The following RAB3C variants were observed in gnomAD, a reference collection of about 807,000 sequenced individuals.
RAB3C encodes the protein ras-related protein Rab-3C.
RAB3C carries 17 observed loss-of-function variants against 26.4 expected under a neutral mutation model. The ratio of observed to expected loss-of-function variants is 0.64; its 90% CI spans 0.44 to 0.97. The LOEUF is 0.97. Ranked by LOEUF, RAB3C falls within the 50% of genes least tolerant of loss-of-function variation. RAB3C has a pLI of 0.00. For synonymous variants in RAB3C, 91 were observed against 95.9 expected (o/e 0.95, Z 0.30); for missense variants, 242 against 281.9 (o/e 0.86, Z 1.01).
In RAB3C at chr5:58,851,316, ACTC is replaced by A. The variant is rs1201143500; in HGVS notation, c.657_659del (p.Pro221del). 1 of 1,610,094 alleles carries A rather than the reference ACTC, an allele frequency of 6.2e-7. No homozygotes were observed. Among genetic ancestry groups the A allele is most frequent in the Admixed American group, 1.7e-5 (1 of 59,078 alleles). On this transcript the variant is annotated inframe_deletion, in exon 5 of 5. Coordinates refer to ENST00000282878, the MANE Select transcript of RAB3C (RefSeq NM_138453.4). ...AAAGCAGAACACGAGACTCAAGGAA[ACTC>A]CTCCTCCACCGCAGCCCAACTGTGC...
chr5:58,639,428 C>T (rs891916768), intron 2 of RAB3C, among the ~76,000 whole-genome samples: 2 of 152,142 alleles, frequency 1.3e-5, no homozygotes, highest in Non-Finnish European at 2.9e-5. Flanking sequence ...CTGGGAAGTC[C>T]AGGATACCTG....
chr5:58,620,608 C>T (rs1051551816), intron 2 of RAB3C, among the ~76,000 whole-genome samples: 1 of 152,234 alleles, frequency 6.6e-6, no homozygotes, highest in African/African-American at 2.4e-5. Context: ...TCTCACAACC[C>T]AACTTTTAAT....
chr5:58,667,571 G>C (rs1010836457), intron 2 of RAB3C, among the ~76,000 whole-genome samples: 7 of 152,082 alleles, frequency 4.6e-5, no homozygotes, highest in Non-Finnish European at 1.0e-4. Flanking sequence ...CTGCTTTTGT[G>C]TGCCTGTTAT....
intron 2 of RAB3C, among the ~76,000 whole-genome samples, chr5:58,635,670 G>A (rs1228398785): frequency 6.6e-6 from 1 of 152,108 alleles, no homozygotes; most frequent in Non-Finnish European, 1.5e-5. Context: ...AGCCCCAGAG[G>A]CTGTGCTCTA....
intron 2 of RAB3C, among the ~76,000 whole-genome samples, chr5:58,724,397 G>GT (rs574969546): frequency 1.3e-5 from 2 of 151,550 alleles, no homozygotes; most frequent in Non-Finnish European, 3.0e-5. Context: ...TACAAAGCAG[G>GT]TTTTTTTATT....
chr5:58,613,135 C>T (rs865884823), intron 1 of RAB3C, among the ~76,000 whole-genome samples: 1 of 151,940 alleles, frequency 6.6e-6, no homozygotes, highest in South Asian at 2.1e-4. Flanking sequence ...CAGAGGTAAC[C>T]GATTTGGTTC....
chr5:58,582,345 C>T (rs1745916708), upstream of RAB3C: 11 of 974,146 alleles, frequency 1.1e-5, no homozygotes, highest in Non-Finnish European at 1.3e-5. Context: ...ACGTAGAGCC[C>T]TAACCTCCTT....
At chr5:58,711,371 G>A (rs1460258158) in intron 2 of RAB3C, among the ~76,000 whole-genome samples, 3 of 152,070 alleles carry the variant, frequency 2.0e-5, no homozygotes, top group Non-Finnish European at 4.4e-5. Flanking sequence ...ACACTTTACA[G>A]AGAACTTTTC....
At chr5:58,708,484 A>G (rs1748995456) in intron 2 of RAB3C, among the ~76,000 whole-genome samples, 1 of 152,218 alleles carries the variant, frequency 6.6e-6, no homozygotes. Flanking sequence ...CATGCCTGGC[A>G]TAATCCAGAC....
At chr5:58,725,016 TAA>T (rs1471901343) in intron 2 of RAB3C, among the ~76,000 whole-genome samples, 1 of 151,894 alleles carries the variant, frequency 6.6e-6, no homozygotes, top group Non-Finnish European at 1.5e-5. Context: ...TCTATGCGCT[TAA>T]TTTTACCAGT....
intron 3 of RAB3C, among the ~76,000 whole-genome samples, chr5:58,821,757 T>G (rs1743347006): frequency 6.6e-6 from 1 of 152,214 alleles, no homozygotes; most frequent in African/African-American, 2.4e-5. Flanking sequence ...TTCAGGGGAA[T>G]ATGCTGAAAT....
intron 3 of RAB3C, among the ~76,000 whole-genome samples, chr5:58,818,327 T>C (rs1211386044): frequency 6.6e-6 from 1 of 152,234 alleles, no homozygotes; most frequent in Non-Finnish European, 1.5e-5. Context: ...TTCAGTTGTT[T>C]ATGTGTGAAA....
intron 4 of RAB3C, among the ~76,000 whole-genome samples, chr5:58,828,218 T>C (rs1743534099): frequency 6.6e-6 from 1 of 152,206 alleles, no homozygotes; most frequent in Non-Finnish European, 1.5e-5. Flanking sequence ...TAACCCTACC[T>C]TCTAGGAGCA....
chr5:58,845,612 A>ATATATATATATGTGTGTGTGTGTG lies in RAB3C; in HGVS notation c.497-5551_497-5550insATATATATATGTGTGTGTGTGTGT. 1.7e-3 allele frequency among the ~76,000 whole-genome samples: 140 copies of ATATATATATATGTGTGTGTGTGTG among 81,660 alleles called. 2 individuals are homozygous for ATATATATATATGTGTGTGTGTGTG. The highest frequency in any genetic ancestry group is 9.3e-3 in the South Asian group (24 of 2,580). The allele number at this position is 81,660 out of a possible 152,430, so 53.6% of individuals were successfully genotyped here. The stretch of plus-strand genomic sequence containing the variant: ...ATTCTTACTATATATATATATATAT[A>ATATATATATATGTGTGTGTGTGTG]TGTGTGTGTGTGTGTGTGTATATGT... On this transcript the variant is annotated intron_variant, in intron 4 of 4. Transcript: ENST00000282878.
chr5:58,583,933 A>G (rs576324012), intron 1 of RAB3C, among the ~76,000 whole-genome samples: 3 of 152,072 alleles, frequency 2.0e-5, no homozygotes, highest in Non-Finnish European at 4.4e-5. Flanking sequence ...AATGCAAAGG[A>G]CTCTGGTGCA....
intron 2 of RAB3C, among the ~76,000 whole-genome samples, chr5:58,647,417 G>C (rs534687785): frequency 6.6e-6 from 1 of 152,032 alleles, no homozygotes; most frequent in Non-Finnish European, 1.5e-5. Flanking sequence ...ATCAGATCTC[G>C]TGAGCACTCA....
chr5:58,636,302 T>C (rs1287471102), intron 2 of RAB3C, among the ~76,000 whole-genome samples: 1 of 152,212 alleles, frequency 6.6e-6, no homozygotes, highest in African/African-American at 2.4e-5. Context: ...TGCCCAAATG[T>C]GCTTCCCTAG....
chr5:58,816,652 C>T (rs966886816), intron 3 of RAB3C, among the ~76,000 whole-genome samples: 2 of 152,096 alleles, frequency 1.3e-5, no homozygotes, highest in African/African-American at 4.8e-5. Flanking sequence ...TTAAATTGGG[C>T]CCTCAAATTT....
chr5:58,848,985 T>A (rs1744058378), intron 4 of RAB3C, among the ~76,000 whole-genome samples: 1 of 152,162 alleles, frequency 6.6e-6, no homozygotes. Context: ...CCAGTTAAGG[T>A]TGAGAAGCTG....
Sources: allele counts gnomAD v4.1 joint callset (sites outside exome capture counted in the v4.1 genomes callset), GRCh38; gene constraint gnomAD v4.1.1; transcripts MANE v1.5; gene names NCBI Gene and HGNC (gene_info 2026-07-23, HGNC 2026-07-21).